DMRT1: variants seen among roughly 807,000 people sequenced by gnomAD.
DMRT1 encodes doublesex and mab-3 related transcription factor 1, also known as doublesex- and mab-3-related transcription factor 1.
Under a neutral mutation model 32.3 loss-of-function variants are expected in DMRT1, and 7 were observed. That is an observed-to-expected ratio of 0.22 (90% CI 0.12 to 0.41). DMRT1 has a LOEUF of 0.41. Ranked by LOEUF, DMRT1 falls within the 10% of genes least tolerant of loss-of-function variation. DMRT1 has a pLI of 1.00. For synonymous variants in DMRT1, 278 were observed against 206.1 expected (o/e 1.35, Z -2.99); for missense variants, 625 against 500.5 (o/e 1.25, Z -2.37).
intron 4 of DMRT1, among the ~76,000 whole-genome samples, chr9:935,157 G>A (rs1030889593): frequency 1.3e-5 from 2 of 152,150 alleles, no homozygotes; most frequent in Admixed American, 6.5e-5. Flanking sequence ...GTGACTAATG[G>A]TAATTTTTAA....
intron 1 of DMRT1, among the ~76,000 whole-genome samples, chr9:845,659 CTCT>C (rs1252884197): frequency 3.3e-5 from 5 of 152,100 alleles, no homozygotes; most frequent in Non-Finnish European, 5.9e-5. Context: ...TGCCTTCAGC[CTCT>C]TCTTCCTTCA....
chr9:894,272 C>T (rs1817267268), intron 3 of DMRT1, 77 bp downstream of exon 3: 1 of 1,480,884 alleles, frequency 6.8e-7, no homozygotes, highest in Non-Finnish European at 9.4e-7. Context: ...CACATACACA[C>T]AGAGGCACAC....
chr9:868,345 A>C (rs111578870), intron 2 of DMRT1, among the ~76,000 whole-genome samples: 1,607 of 152,312 alleles, frequency 0.011, 22 homozygotes, highest in African/African-American at 0.036. Flanking sequence ...GCTGTATTCT[A>C]TATTTGCCTC....
chr9:849,243 G>A (rs1035299887), intron 2 of DMRT1, among the ~76,000 whole-genome samples: 2 of 152,114 alleles, frequency 1.3e-5, no homozygotes, highest in African/African-American at 4.8e-5. Flanking sequence ...CTACTTAACT[G>A]GGACCAGTTG....
intron 2 of DMRT1, among the ~76,000 whole-genome samples, chr9:858,893 ATT>A: frequency 1.3e-5 from 2 of 148,288 alleles, no homozygotes; most frequent in East Asian, 3.9e-4. Flanking sequence ...ATATATATAT[ATT>A]TATCATTGTA....
At chr9:855,646 G>A (rs552434770) in intron 2 of DMRT1, among the ~76,000 whole-genome samples, 84 of 152,256 alleles carry the variant, frequency 5.5e-4, no homozygotes, top group Middle Eastern at 3.4e-3. Flanking sequence ...TTGAGACAGG[G>A]TCTCGCTTTT....
At chr9:889,370 G>C (rs904578191) in intron 2 of DMRT1, among the ~76,000 whole-genome samples, 21 of 152,154 alleles carry the variant, frequency 1.4e-4, no homozygotes, top group African/African-American at 4.8e-4. Flanking sequence ...CTCTTCCAAA[G>C]TTCAAATGGT....
At chr9:849,788 G>T (rs1048869563) in intron 2 of DMRT1, among the ~76,000 whole-genome samples, 3 of 100,848 alleles carry the variant, frequency 3.0e-5, no homozygotes, top group African/African-American at 1.0e-4. Flanking sequence ...ATGGCTCCGG[G>T]AGCCTTTACC....
chr9:892,778 C>G (rs1218413514), intron 2 of DMRT1, among the ~76,000 whole-genome samples: 1 of 152,176 alleles, frequency 6.6e-6, no homozygotes, highest in African/African-American at 2.4e-5. Flanking sequence ...GCCCGCCTCA[C>G]CTTACCCTAG....
intron 4 of DMRT1, among the ~76,000 whole-genome samples, chr9:923,226 C>T (rs1440802121): frequency 6.6e-6 from 1 of 152,170 alleles, no homozygotes; most frequent in African/African-American, 2.4e-5. Context: ...AACTGAGGTT[C>T]TGCTCTCTGT....
At position 848,560 on chromosome 9, in the gene DMRT1, T is replaced by C. The variant is rs553231771; in HGVS notation, c.538+1417T>C. 2.0e-5 allele frequency among the ~76,000 whole-genome samples: 3 copies of C among 146,886 alleles called. No individual in the cohort carries two copies. In the South Asian group the frequency reaches 6.6e-4, roughly 33 times the overall value. On this transcript the variant is annotated intron_variant, in intron 2 of 4. Transcript: ENST00000382276. ...AAACTTTTGTTTCCTTTCTTTTTTT[T>C]TTTTTTTTTTTGAGATGGAGTCTCA...
intron 2 of DMRT1, among the ~76,000 whole-genome samples, chr9:859,958 G>C (rs1468034381): frequency 6.6e-6 from 1 of 152,152 alleles, no homozygotes; most frequent in African/African-American, 2.4e-5. Context: ...TATAAAAATT[G>C]CCGTTAACTA....
intron 2 of DMRT1, among the ~76,000 whole-genome samples, chr9:859,970 C>T (rs961258905): frequency 1.3e-5 from 2 of 152,180 alleles, no homozygotes; most frequent in African/African-American, 2.4e-5. Flanking sequence ...CGTTAACTAC[C>T]CGTTAACTCT....
chr9:894,429 A>G (rs1263164371), intron 3 of DMRT1: 2 of 582,728 alleles, frequency 3.4e-6, no homozygotes, highest in Non-Finnish European at 6.2e-6. Context: ...TTAGCCTCAA[A>G]GGTTGGCTGC....
intron 3 of DMRT1, among the ~76,000 whole-genome samples, chr9:907,825 ATATATG>A (rs1817831452): frequency 1.5e-5 from 1 of 67,134 alleles, no homozygotes; most frequent in Non-Finnish European, 3.2e-5. Flanking sequence ...TCTCTAAAAT[ATATATG>A]TGTGTGTGTG....
chr9:882,878 T>C (rs1816787225), intron 2 of DMRT1, among the ~76,000 whole-genome samples: 2 of 151,594 alleles, frequency 1.3e-5, no homozygotes, highest in South Asian at 4.2e-4. Context: ...TTCAAGTGAT[T>C]CTTCTGCCTC....
intron 2 of DMRT1, among the ~76,000 whole-genome samples, chr9:874,945 C>A (rs1816431653): frequency 6.6e-6 from 1 of 151,178 alleles, no homozygotes; most frequent in African/African-American, 2.4e-5. Flanking sequence ...GTAGCTGGGA[C>A]TACGGGTGCC....
intron 2 of DMRT1, among the ~76,000 whole-genome samples, chr9:876,386 A>G (rs1281819585): frequency 6.6e-6 from 1 of 152,170 alleles, no homozygotes; most frequent in East Asian, 1.9e-4. Flanking sequence ...GAAAAGGGGA[A>G]AAGGCCTAGA....
chr9:844,257 A>C (rs1838809075), intron 1 of DMRT1, among the ~76,000 whole-genome samples: 1 of 152,208 alleles, frequency 6.6e-6, no homozygotes, highest in African/African-American at 2.4e-5. Flanking sequence ...TGAATCCTTA[A>C]AAATCCATAA....
Sources: gnomAD v4.1 joint callset for allele counts (sites outside exome capture counted in the v4.1 genomes callset) on GRCh38, gnomAD v4.1.1 for gene constraint, MANE v1.5 for transcripts, NCBI Gene and HGNC (gene_info 2026-07-23, HGNC 2026-07-21) for gene names.